Variants in CUX1 observed in about 807,000 individuals in gnomAD.
CUX1 encodes the protein protein CASP.
A neutral mutation model predicts 158.8 loss-of-function variants in CUX1; 31 were observed. That is an observed-to-expected ratio of 0.20 (90% CI 0.15 to 0.26). The LOEUF (loss-of-function observed/expected upper bound fraction) is 0.26, where lower values mean the gene tolerates loss of function less well. Ranked by LOEUF, CUX1 falls within the 10% of genes least tolerant of loss-of-function variation. The pLI is 1.00. For missense variants in CUX1, 1,589 were observed against 2,014.6 expected, an observed-to-expected ratio of 0.79 and a Z score of 4.04; for synonymous variants, 879 against 862.1, an observed-to-expected ratio of 1.02 and a Z score of -0.34.
rs897418233 is a variant in CUX1, at chr7:101,869,848, C to T, written c.31-46267C>T. On this transcript the variant is annotated intron_variant, in intron 1 of 23. Coordinates refer to ENST00000292535, the MANE Select transcript of CUX1 (RefSeq NM_181552.4). This position sits in a 1 kb window ranked among gnomAD's most constrained non-coding sequence, Gnocchi z 4.5. ...GGCTCCCCTCCGCCAAATCTTAAAT[C>T]CTCTTGTTAAGACGCGCTCCGCCCC... 7.2e-5 allele frequency among the ~76,000 whole-genome samples: 11 copies of T among 152,190 alleles called. No individual in the cohort carries two copies. Among genetic ancestry groups the T allele is most frequent in the African/African-American group, 2.2e-4 (9 of 41,440 alleles).
rs1221534608 is a variant in CUX1 at position 101,837,764 on chromosome 7, G to A, written c.30+20095G>A. On this transcript the variant is annotated intron_variant, in intron 1 of 23. Coordinates refer to ENST00000292535, the MANE Select transcript of CUX1 (RefSeq NM_181552.4). ...GAGGATCACTTGAAGCCGGGAGGTCGAAGGTGCAGGGAGCCATGATCGTGA... is the reference window on the plus strand; with the variant it reads ...GAGGATCACTTGAAGCCGGGAGGTCAAAGGTGCAGGGAGCCATGATCGTGA... Among the ~76,000 whole-genome samples the A allele has an allele frequency of 3.6e-5, 5 of 140,662 alleles. No homozygotes were observed. In the South Asian group the frequency reaches 7.0e-4, roughly 20 times the overall value. The allele number at this position is 140,662 out of a possible 152,430, so 92.3% of individuals were successfully genotyped here.
chr7:101,923,340 TG>T (rs1490542308), intron 2 of CUX1, among the ~76,000 whole-genome samples: 5 of 152,236 alleles, frequency 3.3e-5, no homozygotes, highest in Admixed American at 1.3e-4. Flanking sequence ...GGTTTTGTTC[TG>T]CTTCTTTTCA....
intron 2 of CUX1, among the ~76,000 whole-genome samples, chr7:102,009,215 G>T (rs1817714515): frequency 1.3e-5 from 2 of 152,270 alleles, no homozygotes; most frequent in Middle Eastern, 6.8e-3. Context: ...CTATTTACAC[G>T]ACAGGGATGA....
At chr7:101,890,207 A>G (rs1800726477) in intron 1 of CUX1, among the ~76,000 whole-genome samples, 1 of 152,174 alleles carries the variant, frequency 6.6e-6, no homozygotes, top group South Asian at 2.1e-4. Context: ...GGGAGCCCTG[A>G]AGCCGGCAGT....
At chr7:102,063,467 C>G (rs1466908054) in intron 3 of CUX1, among the ~76,000 whole-genome samples, 1 of 139,502 alleles carries the variant, frequency 7.2e-6, no homozygotes, top group Non-Finnish European at 1.5e-5. Flanking sequence ...TGGCTCACTG[C>G]AAGCGCGGCC....
intron 4 of CUX1, among the ~76,000 whole-genome samples, chr7:102,070,904 C>T (rs1269838638): frequency 2.0e-5 from 3 of 151,864 alleles, no homozygotes; most frequent in Non-Finnish European, 4.4e-5. Context: ...ACTGATAATC[C>T]TTGCAGCTAC....
rs980476894 is a variant in CUX1, at chr7:101,835,826, C to T, written c.30+18157C>T. 1.4e-4 allele frequency among the ~76,000 whole-genome samples: 22 copies of T among 152,316 alleles called. No homozygotes were observed. The East Asian group carries it at 4.0e-3, about 28-fold the overall frequency. On this transcript the variant is annotated intron_variant, in intron 1 of 23. Transcript: ENST00000292535. ...TCTTGGCTCACTGCAATCTCCATCT[C>T]CCGGGTTCAAGCGATTCTCCTGCCT...
chr7:102,019,366 A>C (rs1472322247), intron 2 of CUX1, among the ~76,000 whole-genome samples: 1 of 150,964 alleles, frequency 6.6e-6, no homozygotes, highest in Non-Finnish European at 1.5e-5. Flanking sequence ...CTGGGATTAA[A>C]GGCACATGCC....
chr7:101,926,533 G>T (rs564944805), intron 2 of CUX1, among the ~76,000 whole-genome samples: 1 of 152,236 alleles, frequency 6.6e-6, no homozygotes, highest in South Asian at 2.1e-4. Flanking sequence ...TCAAGCCCTG[G>T]TTTCATTTGC....
chr7:101,984,089 A>AAAAAAAATATAT (rs1221503978), intron 2 of CUX1, among the ~76,000 whole-genome samples: 1 of 29,844 alleles, frequency 3.4e-5, no homozygotes, highest in African/African-American at 1.2e-4. Context: ...AAAAAAAAAA[A>AAAAAAAATATAT]ATATATATAT....
chr7:102,138,421 G>C (rs1465907218), intron 8 of CUX1, among the ~76,000 whole-genome samples: 2 of 152,060 alleles, frequency 1.3e-5, no homozygotes, highest in Non-Finnish European at 2.9e-5. Flanking sequence ...GGAAGATTGA[G>C]TGAACAGCCT....
chr7:102,072,933 T>G (rs1429797340), intron 4 of CUX1, among the ~76,000 whole-genome samples: 1 of 152,074 alleles, frequency 6.6e-6, no homozygotes, highest in Non-Finnish European at 1.5e-5. Context: ...AAGAGTTCAT[T>G]CTTTGACTTT....
chr7:102,061,911 A>G (rs1781547520), intron 3 of CUX1, among the ~76,000 whole-genome samples: 1 of 152,166 alleles, frequency 6.6e-6, no homozygotes, highest in Non-Finnish European at 1.5e-5. Context: ...AGCTTTTACT[A>G]GATTATGCTG....
intron 3 of CUX1, among the ~76,000 whole-genome samples, chr7:102,051,760 T>TGGATGACA: frequency 6.6e-6 from 1 of 152,280 alleles, no homozygotes; most frequent in African/African-American, 2.4e-5. Flanking sequence ...ACCAGGCAGC[T>TGGATGACA]GGATGACAGG....
At chr7:102,005,398 A>G (rs1426392693) in intron 2 of CUX1, among the ~76,000 whole-genome samples, 1 of 152,170 alleles carries the variant, frequency 6.6e-6, no homozygotes, top group East Asian at 1.9e-4. Flanking sequence ...CAGTAGCACG[A>G]TCATAGCTCC....
At position 101,851,830 on chromosome 7, in the gene CUX1, T is replaced by TC. The variant is rs1010500280; in HGVS notation, c.30+34161_30+34162insC. Among the ~76,000 whole-genome samples, 7 of 3,906 alleles carry TC rather than the reference T, an allele frequency of 1.8e-3. No homozygotes were observed. In the South Asian group the frequency reaches 0.048, roughly 27 times the overall value. 2.6% of individuals were successfully genotyped at this position (3,906 alleles called of 152,430 possible). A position where few individuals can be genotyped will look rare whatever the true frequency, so the allele number is the denominator to read the frequency against. ...ACTTTTCATTTGTCTTTCTTCTCTC[T>TC]TTTTTTTTTTTCTTTTGAGACAGCG... On this transcript the variant is annotated intron_variant, in intron 1 of 23. Transcript: ENST00000292535.
At chr7:102,270,211 C>G (rs1246542263) in intron 14 of CUX1, among the ~76,000 whole-genome samples, 8 of 152,248 alleles carry the variant, frequency 5.3e-5, no homozygotes, top group African/African-American at 1.9e-4. Flanking sequence ...CCAGCTTCCC[C>G]ACCTGCGTGT....
rs566917065 is a variant in CUX1, at chr7:102,127,235, C to T, written c.674+11962C>T. Among the ~76,000 whole-genome samples the T allele has an allele frequency of 2.0e-5, 3 of 152,268 alleles. No individual in the cohort carries two copies. In the East Asian group the frequency reaches 5.8e-4, roughly 29 times the overall value. On this transcript the variant is annotated intron_variant, in intron 8 of 23. Coordinates refer to ENST00000292535, the MANE Select transcript of CUX1 (RefSeq NM_181552.4). ...TTTTTTTCTTTTTACGAGATAGGGTCTCACCCTGTCACCCAGCCTGCAGGG... is the reference window on the plus strand; with the variant it reads ...TTTTTTTCTTTTTACGAGATAGGGTTTCACCCTGTCACCCAGCCTGCAGGG...
At chr7:101,966,281 C>T (rs192456951) in intron 2 of CUX1, among the ~76,000 whole-genome samples, 55 of 150,212 alleles carry the variant, frequency 3.7e-4, no homozygotes, top group African/African-American at 1.3e-3. Flanking sequence ...ACCCAGGCCC[C>T]GGATTATAGT....
Sources: gnomAD v4.1 joint callset for allele counts (sites outside exome capture counted in the v4.1 genomes callset) on GRCh38, gnomAD v4.1.1 for gene constraint, Gnocchi (gnomAD v3.1) non-coding constraint, MANE v1.5 for transcripts, NCBI Gene and HGNC (gene_info 2026-07-23, HGNC 2026-07-21) for gene names.